DCAF17: variants seen among roughly 807,000 people sequenced by gnomAD.
DCAF17 encodes the protein DDB1 and CUL4 associated factor 17.
DCAF17 carries 48 observed loss-of-function variants against 66.0 expected under a neutral mutation model. The observed-to-expected ratio is 0.73, with a 90% CI of 0.58 to 0.92. The LOEUF is 0.92. Ranked by LOEUF, DCAF17 falls within the 40% of genes least tolerant of loss-of-function variation. DCAF17 has a pLI of 0.00. For missense variants in DCAF17, 562 were observed against 622.8 expected (o/e 0.90, Z 1.04); for synonymous variants, 206 against 214.6 (o/e 0.96, Z 0.35).
At chr2:171,458,670 C>G (rs1695401729) in intron 8 of DCAF17, among the ~76,000 whole-genome samples, 193 bp downstream of exon 8, 1 of 152,120 alleles carries the variant, frequency 6.6e-6, no homozygotes, top group Non-Finnish European at 1.5e-5. Context: ...TTCATTGAAC[C>G]AAAGGCCTGG....
Position 171,484,139 on chromosome 2 carries a change from CAGTATT to C in DCAF17, c.*3030_*3035del, listed in dbSNP as rs1311521685. On this transcript the variant is annotated 3_prime_UTR_variant, in exon 14 of 14. Coordinates refer to ENST00000375255, the MANE Select transcript of DCAF17 (RefSeq NM_025000.4). ...CTTTCCCTTTGTTTGTGGTGATAAT[CAGTATT>C]AGTAGTTTTCATATTATTTGGCTTC... is the stretch of plus-strand genomic sequence containing the variant. The C allele has an allele frequency of 1.1e-5, 5 of 452,060 alleles. No homozygotes were observed. The highest frequency in any genetic ancestry group is 2.4e-5 in the Admixed American group (1 of 42,126). The allele number at this position is 452,060 out of a possible 1,614,324, so 28.0% of individuals were successfully genotyped here. A position where few individuals can be genotyped will look rare whatever the true frequency, so the allele number is the denominator to read the frequency against.
rs117486204 is a variant in DCAF17, at chr2:171,439,843, G to C, written c.231-3680G>C. ...CTCCAGAGGCCAAGGCAGAAGAATTGCTTGAATCTGGGAGGTGGAGGTTGC... is the reference window on the plus strand; with the variant it reads ...CTCCAGAGGCCAAGGCAGAAGAATTCCTTGAATCTGGGAGGTGGAGGTTGC... On this transcript the variant is annotated intron_variant, in intron 2 of 13. Transcript: ENST00000375255. 1.5e-3 allele frequency among the ~76,000 whole-genome samples: 223 copies of C among 152,236 alleles called. 4 individuals carry two copies. In the East Asian group the frequency reaches 0.016, roughly 11 times the overall value.
At chr2:171,477,033 A>G in intron 11 of DCAF17, 83 bp downstream of exon 11, 1 of 1,101,792 alleles carries the variant, frequency 9.1e-7, no homozygotes, top group Non-Finnish European at 1.4e-6. Context: ...TTTGCCTTTG[A>G]GTGTAGCAGA....
intron 2 of DCAF17, 194 bp from the exon 3 acceptor site, chr2:171,443,329 G>A (rs1694422034): frequency 4.0e-6 from 2 of 499,914 alleles, no homozygotes; most frequent in Admixed American, 7.2e-5. Flanking sequence ...TTATGGTATT[G>A]TAAACTATTT....
chr2:171,480,330 TACAGG>T (rs764491015), intron 13 of DCAF17, 137 bp downstream of exon 13: 5 of 1,094,132 alleles, frequency 4.6e-6, no homozygotes, highest in Non-Finnish European at 6.6e-6. Context: ...TTGTCCTATA[TACAGG>T]ACAAAAGAGT....
Position 171,480,113 on chromosome 2 carries a change from G to A in DCAF17, c.1342G>A (p.Gly448Arg), listed in dbSNP as rs766858148. Residue 448 changes from glycine (G) to arginine (R), a missense_variant, in exon 13 of 14, where the codon GGA becomes AGA. Coordinates refer to ENST00000375255, the MANE Select transcript of DCAF17 (RefSeq NM_025000.4). The stretch of plus-strand genomic sequence containing the variant: ...AGCTGTTACTCAAATAGATGCTGAA[G>A]GAAAAGCTCACCTGGATTTCCACTG... ...VVAVTQIDAEGKAHLDFHCNE... is the reference protein window; with the variant it reads ...VVAVTQIDAERKAHLDFHCNE... The A allele has an allele frequency of 1.2e-6, 2 of 1,613,790 alleles. No individual in the cohort carries two copies. The highest frequency in any genetic ancestry group is 1.1e-5 in the South Asian group (1 of 91,074).
At chr2:171,480,509 G>A (rs907026257) in intron 13 of DCAF17, among the ~76,000 whole-genome samples, 25 of 152,032 alleles carry the variant, frequency 1.6e-4, no homozygotes, top group African/African-American at 4.6e-4. Flanking sequence ...AAGAGAATAC[G>A]GTAATCCCCA....
At chr2:171,470,643 T>C (rs777221977) in intron 9 of DCAF17, among the ~76,000 whole-genome samples, 5 of 152,198 alleles carry the variant, frequency 3.3e-5, no homozygotes, top group Admixed American at 6.5e-5. Flanking sequence ...GTTTGATTGG[T>C]CACCTCCCAG....
intron 6 of DCAF17, among the ~76,000 whole-genome samples, chr2:171,456,677 C>T (rs1252719014): frequency 1.3e-5 from 2 of 151,774 alleles, no homozygotes; most frequent in Non-Finnish European, 2.9e-5. Flanking sequence ...TTGTAGATCT[C>T]CTTGTAGAGA....
intron 8 of DCAF17, among the ~76,000 whole-genome samples, chr2:171,464,852 CTA>C (rs148433321): frequency 1.3e-5 from 2 of 151,890 alleles, no homozygotes; most frequent in African/African-American, 4.8e-5. Flanking sequence ...CTTTATCCTA[CTA>C]TATATATATG....
intron 10 of DCAF17, chr2:171,474,186 T>A (rs1282418678): frequency 1.8e-6 from 1 of 570,302 alleles, no homozygotes; most frequent in African/African-American, 1.9e-5. Flanking sequence ...GAAAACGTTA[T>A]TTGATGGATG....
intron 3 of DCAF17, 112 bp from the exon 4 acceptor site, chr2:171,448,569 G>A (rs1303249027): frequency 6.4e-6 from 6 of 944,006 alleles, no homozygotes. Context: ...TCTTTCTTTT[G>A]TGGTTTATTT....
rs903736577 is a variant in DCAF17 at position 171,480,834 on chromosome 2, A to C, written c.1423-140A>C. On this transcript the variant is annotated intron_variant, in intron 13 of 13. Transcript: ENST00000375255. ...TAATCTGCATATCCACAAATAATGA[A>C]AAATAAACCTCTTTCTAGCAACTAT... 3.7e-6 allele frequency: 4 copies of C among 1,069,390 alleles called. No homozygotes were observed. The African/African-American group carries it at 6.4e-5, about 17-fold the overall frequency. The allele number at this position is 1,069,390 out of a possible 1,614,324, so 66.2% of individuals were successfully genotyped here.
At chr2:171,441,004 A>G (rs189196385) in intron 2 of DCAF17, among the ~76,000 whole-genome samples, 2 of 152,326 alleles carry the variant, frequency 1.3e-5, no homozygotes, top group Admixed American at 1.3e-4. Context: ...GATTTGTTCT[A>G]ACCCCAAGAG....
rs572867368 is a variant in DCAF17, at chr2:171,484,229, T to C, written c.*3115T>C. On this transcript the variant is annotated 3_prime_UTR_variant, in exon 14 of 14. Coordinates refer to ENST00000375255, the MANE Select transcript of DCAF17 (RefSeq NM_025000.4). ...TTACCATGTTTACTTATATCATCCATCTTTTAGAATCCCAGGGAGCTAATT... is the reference window on the plus strand; with the variant it reads ...TTACCATGTTTACTTATATCATCCACCTTTTAGAATCCCAGGGAGCTAATT... 2 of 450,520 alleles carry C rather than the reference T, an allele frequency of 4.4e-6. No individual in the cohort carries two copies. The highest frequency in any genetic ancestry group is 6.9e-5 in the East Asian group (1 of 14,392). The allele number at this position is 450,520 out of a possible 1,614,324, so 27.9% of individuals were successfully genotyped here.
intron 8 of DCAF17, among the ~76,000 whole-genome samples, chr2:171,462,311 G>A (rs1369128137): frequency 2.6e-5 from 4 of 152,042 alleles, no homozygotes; most frequent in Non-Finnish European, 5.9e-5. Context: ...AGGAGACATA[G>A]TTACAAATCA....
intron 8 of DCAF17, among the ~76,000 whole-genome samples, chr2:171,467,830 G>GT (rs1346001287): frequency 6.7e-6 from 1 of 149,340 alleles, no homozygotes; most frequent in Non-Finnish European, 1.5e-5. Context: ...AACCATTTGT[G>GT]TTTTTTTCCC....
chr2:171,440,104 C>T (rs1368574655), intron 2 of DCAF17, among the ~76,000 whole-genome samples: 1 of 152,172 alleles, frequency 6.6e-6, no homozygotes, highest in African/African-American at 2.4e-5. Flanking sequence ...GCTGGAACTA[C>T]AGTCACATAC....
intron 12 of DCAF17, among the ~76,000 whole-genome samples, chr2:171,478,811 A>G (rs991753024): frequency 1.3e-5 from 2 of 152,184 alleles, no homozygotes; most frequent in African/African-American, 4.8e-5. Flanking sequence ...ACACACAAAA[A>G]AGTATTATTT....
Sources: allele counts gnomAD v4.1 joint callset (sites outside exome capture counted in the v4.1 genomes callset), GRCh38; gene constraint gnomAD v4.1.1; transcripts MANE v1.5; gene names NCBI Gene and HGNC (gene_info 2026-07-23, HGNC 2026-07-21).